SYK: variants seen among roughly 807,000 people sequenced by gnomAD.
The protein encoded by SYK is tyrosine-protein kinase SYK.
In SYK, 16 loss-of-function variants were observed where a neutral mutation model predicts 77.8. The observed-to-expected ratio is 0.21, with a 90% confidence interval of 0.14 to 0.31. SYK has a LOEUF of 0.31. Ranked by LOEUF, SYK falls within the 10% of genes least tolerant of loss-of-function variation. The pLI is 1.00. For missense variants in SYK, 529 were observed against 814.4 expected (o/e 0.65, Z 4.26); for synonymous variants, 312 against 308.7 (o/e 1.01, Z -0.11).
intron 1 of SYK, among the ~76,000 whole-genome samples, chr9:90,814,425 T>C (rs1825213137): frequency 6.6e-6 from 1 of 152,196 alleles, no homozygotes; most frequent in Non-Finnish European, 1.5e-5. Context: ...CAGTTCTCAG[T>C]CACACAGGCC....
At chr9:90,846,922 A>G (rs1826619584) in intron 3 of SYK, among the ~76,000 whole-genome samples, 1 of 152,260 alleles carries the variant, frequency 6.6e-6, no homozygotes. Flanking sequence ...GGGACCATGC[A>G]CATAGCATCT....
At position 90,887,734 on chromosome 9, in the gene SYK, C is replaced by T. The variant is rs944821350; in HGVS notation, c.1582-15C>T. ...TTTATTCTTAATGGAATTTCTCCCTCTGCTTTGCTTTTAGGCCCAGACCCA... is the reference window on the plus strand; with the variant it reads ...TTTATTCTTAATGGAATTTCTCCCTTTGCTTTGCTTTTAGGCCCAGACCCA... On this transcript the variant is annotated splice_polypyrimidine_tract_variant and intron_variant, in intron 11 of 13. Coordinates refer to ENST00000375754, the MANE Select transcript of SYK (RefSeq NM_003177.7). 5.7e-6 allele frequency: 9 copies of T among 1,589,198 alleles called. No individual in the cohort carries two copies. The African/African-American group carries it at 9.5e-5, about 17-fold the overall frequency.
chr9:90,857,558 G>A (rs1036179562), intron 3 of SYK, among the ~76,000 whole-genome samples: 1 of 152,244 alleles, frequency 6.6e-6, no homozygotes, highest in Non-Finnish European at 1.5e-5. Context: ...TCTTCTTTGT[G>A]TGGAATGCAC....
At chr9:90,830,581 C>CTTT (rs57804863) in intron 1 of SYK, among the ~76,000 whole-genome samples, 46 of 111,568 alleles carry the variant, frequency 4.1e-4, no homozygotes, top group African/African-American at 5.1e-4. Context: ...ACTCATTCCT[C>CTTT]TTTTTTTTTT....
chr9:90,866,262 G>T (rs920101641), intron 6 of SYK, among the ~76,000 whole-genome samples: 1 of 152,052 alleles, frequency 6.6e-6, no homozygotes, highest in Non-Finnish European at 1.5e-5. Flanking sequence ...CTCACTTTTT[G>T]CCTGGTAACC....
At chr9:90,884,225 A>ACG (rs1416036673) in intron 11 of SYK, among the ~76,000 whole-genome samples, 8 of 146,746 alleles carry the variant, frequency 5.5e-5, no homozygotes, top group South Asian at 2.1e-4. Flanking sequence ...ACGCATATAC[A>ACG]CATACACATA....
intron 3 of SYK, among the ~76,000 whole-genome samples, chr9:90,859,315 T>C (rs1373629558): frequency 6.6e-6 from 1 of 152,216 alleles, no homozygotes. Flanking sequence ...TTGTTTGTTT[T>C]TTTAGTTTTA....
intron 1 of SYK, among the ~76,000 whole-genome samples, chr9:90,824,103 A>G (rs1825599611): frequency 6.6e-6 from 1 of 152,314 alleles, no homozygotes. Context: ...AAGATGATAA[A>G]GGAAGATCAT....
At position 90,894,398 on chromosome 9, in the gene SYK, C is replaced by G. The variant is rs12684815; in HGVS notation, c.1836-1130C>G. ...AGATGGCTGACCACACTGATCAATT[C>G]GAGCAGTTTTATCATTTTGCTCACT... is the stretch of plus-strand genomic sequence containing the variant. On this transcript the variant is annotated intron_variant, in intron 13 of 13. Coordinates refer to ENST00000375754, the MANE Select transcript of SYK (RefSeq NM_003177.7). Among the ~76,000 whole-genome samples the G allele has an allele frequency of 6.0e-4, 92 of 152,298 alleles. No individual in the cohort carries two copies. The East Asian group carries it at 0.01, about 17-fold the overall frequency.
intron 1 of SYK, among the ~76,000 whole-genome samples, chr9:90,815,703 A>G (rs1825266367): frequency 1.3e-5 from 2 of 152,220 alleles, no homozygotes; most frequent in Non-Finnish European, 2.9e-5. Context: ...TTCATTCACT[A>G]AAAATGTTTT....
intron 1 of SYK, among the ~76,000 whole-genome samples, chr9:90,805,501 A>T (rs2780702): frequency 0.42 from 63,053 of 151,834 alleles, 13,785 homozygotes; most frequent in East Asian, 0.61. Flanking sequence ...AGGGAGAGAA[A>T]GTAAATTCAA....
At chr9:90,866,398 A>G (rs1031029831) in intron 6 of SYK, among the ~76,000 whole-genome samples, 1 of 152,258 alleles carries the variant, frequency 6.6e-6, no homozygotes, top group Non-Finnish European at 1.5e-5. Flanking sequence ...TTGTTATCAA[A>G]TGCAGGGAAC....
At chr9:90,819,730 C>T (rs1033985097) in intron 1 of SYK, among the ~76,000 whole-genome samples, 1 of 152,066 alleles carries the variant, frequency 6.6e-6, no homozygotes, top group Non-Finnish European at 1.5e-5. Flanking sequence ...TCATATCACC[C>T]ACCCCTGGCC....
intron 13 of SYK, among the ~76,000 whole-genome samples, chr9:90,890,393 A>G (rs1420507987): frequency 1.3e-5 from 2 of 152,254 alleles, no homozygotes; most frequent in African/African-American, 4.8e-5. Flanking sequence ...AAAGCAGTCT[A>G]CGTGATATTC....
At chr9:90,844,748 G>A (rs1826518135) in intron 2 of SYK, among the ~76,000 whole-genome samples, 1 of 152,152 alleles carries the variant, frequency 6.6e-6, no homozygotes, top group African/African-American at 2.4e-5. Context: ...TGGCTATCTG[G>A]TATCACCTGC....
intron 10 of SYK, 144 bp downstream of exon 10, chr9:90,877,924 G>C (rs1381986707): frequency 1.4e-6 from 1 of 728,678 alleles, no homozygotes; most frequent in East Asian, 2.7e-5. Flanking sequence ...CAGGGACCTT[G>C]ACAGAGGGAC....
intron 1 of SYK, among the ~76,000 whole-genome samples, chr9:90,837,931 T>C (rs1004800074): frequency 6.6e-6 from 1 of 152,242 alleles, no homozygotes; most frequent in African/African-American, 2.4e-5. Flanking sequence ...CCAATGCTTC[T>C]GGTAGAAAGC....
At position 90,844,016 on chromosome 9, in the gene SYK, T is replaced by A. The variant is rs764046624; in HGVS notation, c.118T>A (p.Leu40Met). 4 of 1,611,996 alleles carry A rather than the reference T, an allele frequency of 2.5e-6. No homozygotes were observed. In the Admixed American group the frequency reaches 5.0e-5, roughly 20 times the overall value. The part of the protein sequence containing the change: ...VQGGMSDGLY[L>M]LRQSRNYLGG... ...GGGGGGCATGAGTGATGGGCTTTAT[T>A]TGCTGCGCCAGAGCCGCAACTACCT... The change falls in exon 2 of 14, where the codon TTG becomes ATG. Residue 40 changes from leucine (L) to methionine (M), a missense_variant. This residue lies in a region of SYK where 321 missense variants were observed against 433.1 expected (regional missense o/e 0.74). Transcript: ENST00000375754.
intron 1 of SYK, among the ~76,000 whole-genome samples, chr9:90,831,184 A>G (rs1443544708): frequency 6.6e-6 from 1 of 152,104 alleles, no homozygotes. Flanking sequence ...TGGCCCAGGG[A>G]TGTGAAAGTG....
Sources: allele counts gnomAD v4.1 joint callset (sites outside exome capture counted in the v4.1 genomes callset), GRCh38; gene constraint gnomAD v4.1.1; regional missense constraint gnomAD v4.1.1; transcripts MANE v1.5; gene names NCBI Gene and HGNC (gene_info 2026-07-23, HGNC 2026-07-21).